Variants in DAB1 observed in about 807,000 individuals in gnomAD.
DAB1 encodes the protein disabled homolog 1.
In DAB1, 15 loss-of-function variants were observed where a neutral mutation model predicts 64.6. The observed-to-expected ratio is 0.23, with a 90% CI of 0.16 to 0.36. DAB1 has a LOEUF of 0.36. Ranked by LOEUF, DAB1 falls within the 10% of genes least tolerant of loss-of-function variation. DAB1 has a pLI of 1.00. For missense variants in DAB1, 596 were observed against 706.7 expected (o/e 0.84, Z 1.78); for synonymous variants, 235 against 251.9 (o/e 0.93, Z 0.64).
intron 7 of DAB1, among the ~76,000 whole-genome samples, chr1:57,463,795 T>C (rs576755634): frequency 7.2e-5 from 11 of 152,314 alleles, no homozygotes; most frequent in Admixed American, 4.6e-4. Context: ...GAAACATTTC[T>C]TGAGAAACTA....
Position 57,010,689 on chromosome 1 carries a change from C to T in DAB1, c.*6G>A, listed in dbSNP as rs369711925. ...AAGGACAGATACCTACCCAGACCTGCGCTATCTAGCTACCGGCCTGTGGAC... is the reference window on the plus strand; with the variant it reads ...AAGGACAGATACCTACCCAGACCTGTGCTATCTAGCTACCGGCCTGTGGAC... On this transcript the variant is annotated 3_prime_UTR_variant, in exon 14 of 15. Coordinates refer to ENST00000371236, the MANE Select transcript of DAB1 (RefSeq NM_001365792.1). The T allele has an allele frequency of 6.8e-5, 105 of 1,543,220 alleles. No homozygotes were observed. The highest frequency in any genetic ancestry group is 3.2e-4 in the South Asian group (26 of 80,908).
At chr1:57,067,240 T>TA (rs1651004584) in intron 8 of DAB1, among the ~76,000 whole-genome samples, 1 of 152,172 alleles carries the variant, frequency 6.6e-6, no homozygotes, top group South Asian at 2.1e-4. Flanking sequence ...TCAGAGCTGT[T>TA]AAAACAAGTG....
At position 57,469,284 on chromosome 1, in the gene DAB1, G is replaced by A. The variant is rs991438222; in HGVS notation, n.626-178118C>T. ...ACATATGCAAAGCACTTAGGTAAGCGGTTCACACACCTCTGGTTTTGAGAG... is the reference window on the plus strand; with the variant it reads ...ACATATGCAAAGCACTTAGGTAAGCAGTTCACACACCTCTGGTTTTGAGAG... On this transcript the variant is annotated intron_variant and non_coding_transcript_variant, in intron 7 of 20. Transcript: ENST00000485760. Among the ~76,000 whole-genome samples the A allele has an allele frequency of 5.3e-5, 8 of 152,272 alleles. No homozygotes were observed. In the East Asian group the frequency reaches 7.7e-4, roughly 15 times the overall value.
intron 4 of DAB1, among the ~76,000 whole-genome samples, chr1:58,249,931 C>T (rs1660727037): frequency 6.6e-6 from 1 of 152,200 alleles, no homozygotes. Flanking sequence ...TCCCGCTCTT[C>T]GCGGTGAGAC....
At chr1:58,032,684 C>G (rs1163248842) in intron 5 of DAB1, among the ~76,000 whole-genome samples, 3 of 152,176 alleles carry the variant, frequency 2.0e-5, no homozygotes, top group African/African-American at 7.2e-5. Context: ...GACTCTAAAC[C>G]ATGCCCCTTC....
chr1:57,129,152 T>G (rs920016381), intron 4 of DAB1, among the ~76,000 whole-genome samples: 2 of 152,074 alleles, frequency 1.3e-5, no homozygotes, highest in African/African-American at 2.4e-5. Flanking sequence ...ATCAAGAAAA[T>G]TTCTGAGTTG....
chr1:57,720,027 G>A (rs992400555), intron 6 of DAB1, among the ~76,000 whole-genome samples: 2 of 152,040 alleles, frequency 1.3e-5, no homozygotes, highest in African/African-American at 2.4e-5. Flanking sequence ...GGCTTCAATG[G>A]TTTCTCTGAG....
intron 1 of DAB1, among the ~76,000 whole-genome samples, chr1:57,346,111 G>A (rs190848454): frequency 4.3e-4 from 66 of 152,352 alleles, no homozygotes; most frequent in Non-Finnish European, 7.9e-4. Context: ...AGTGGCAGCT[G>A]CTGTGGTCTT....
At chr1:57,979,959 T>C (rs931430380) in intron 5 of DAB1, among the ~76,000 whole-genome samples, 1 of 152,192 alleles carries the variant, frequency 6.6e-6, no homozygotes, top group Non-Finnish European at 1.5e-5. Flanking sequence ...GACTTGTTCA[T>C]ATCTTGAGTA....
chr1:57,949,503 C>CTATA, intron 5 of DAB1, among the ~76,000 whole-genome samples: 1 of 147,098 alleles, frequency 6.8e-6, no homozygotes, highest in Non-Finnish European at 1.5e-5. Flanking sequence ...ATCTATCTAT[C>CTATA]TATCTATATC....
chr1:58,470,825 C>G (rs1053760988), intron 3 of DAB1, among the ~76,000 whole-genome samples: 8 of 152,110 alleles, frequency 5.3e-5, no homozygotes, highest in African/African-American at 9.7e-5. Flanking sequence ...GAGCTCCCTA[C>G]TCGGCTGCCC....
intron 4 of DAB1, among the ~76,000 whole-genome samples, chr1:58,259,003 T>A (rs1436218360): frequency 6.6e-6 from 1 of 152,198 alleles, no homozygotes; most frequent in Non-Finnish European, 1.5e-5. Context: ...TTTCCTGAGC[T>A]GTGGTTTCCT....
At chr1:58,532,468 A>G (rs1304180265) in intron 1 of DAB1, among the ~76,000 whole-genome samples, 1 of 152,220 alleles carries the variant, frequency 6.6e-6, no homozygotes, top group East Asian at 1.9e-4. Context: ...ATTAGAGTGC[A>G]TATAATAACA....
intron 5 of DAB1, among the ~76,000 whole-genome samples, chr1:57,988,003 A>G (rs993633694): frequency 1.3e-5 from 2 of 152,060 alleles, no homozygotes; most frequent in African/African-American, 4.8e-5. Context: ...TTAAGTAGAT[A>G]ATATGAGAGA....
intron 11 of DAB1, among the ~76,000 whole-genome samples, chr1:57,023,101 C>T (rs182694633): frequency 2.4e-3 from 370 of 152,354 alleles, no homozygotes; most frequent in African/African-American, 8.2e-3. Flanking sequence ...GGGACCTTCC[C>T]TTTCCTTGAG....
chr1:58,177,894 A>C (rs1026504578), intron 4 of DAB1, among the ~76,000 whole-genome samples: 6 of 152,214 alleles, frequency 3.9e-5, no homozygotes, highest in African/African-American at 1.4e-4. Flanking sequence ...GTCAGTCCAA[A>C]ATTCACTTCA....
Position 57,023,565 on chromosome 1 carries a change from A to T in DAB1, c.861T>A (p.Ser287Arg). Residue 287 changes from serine (S) to arginine (R), a missense_variant, in exon 11 of 15, where the codon AGT (serine) becomes AGA (arginine). Ser to Arg is a moderately radical substitution (Grantham distance 110). Transcript: ENST00000371236. ...CAGCAGCAGTGCCGAAAGGTACAGAACTAAACACATCTGCACTCGCTGGAA... is the reference window on the plus strand; with the variant it reads ...CAGCAGCAGTGCCGAAAGGTACAGATCTAAACACATCTGCACTCGCTGGAA... ...QTLPASADVF[S>R]SVPFGTAAVP... The T allele has an allele frequency of 1.8e-5, 29 of 1,611,240 alleles. No individual in the cohort carries two copies. Among genetic ancestry groups the T allele is most frequent in the Non-Finnish European group, 2.4e-5 (28 of 1,178,912 alleles).
intron 4 of DAB1, among the ~76,000 whole-genome samples, chr1:57,133,288 G>T (rs1291226043): frequency 6.6e-6 from 1 of 152,140 alleles, no homozygotes; most frequent in African/African-American, 2.4e-5. Flanking sequence ...ATGATATAAA[G>T]TTGTAATAAT....
intron 5 of DAB1, among the ~76,000 whole-genome samples, chr1:57,913,300 A>G (rs1270421668): frequency 6.6e-6 from 1 of 152,156 alleles, no homozygotes; most frequent in African/African-American, 2.4e-5. Flanking sequence ...CACATCTACA[A>G]CTATCTGATC....
Sources: allele counts gnomAD v4.1 joint callset (sites outside exome capture counted in the v4.1 genomes callset), GRCh38; gene constraint gnomAD v4.1.1; transcripts MANE v1.5; gene names NCBI Gene and HGNC (gene_info 2026-07-23, HGNC 2026-07-21).